Variants in HNRNPD observed in about 807,000 individuals in gnomAD.
HNRNPD encodes heterogeneous nuclear ribonucleoprotein D.
In HNRNPD, 3 loss-of-function variants were observed where a neutral mutation model predicts 47.9. The ratio of observed to expected loss-of-function variants is 0.06; its 90% CI spans 0.03 to 0.16. HNRNPD has a LOEUF of 0.16. Ranked by LOEUF, HNRNPD falls within the 10% of genes least tolerant of loss-of-function variation. The pLI is 1.00. For missense variants in HNRNPD, 287 were observed against 454.2 expected (o/e 0.63, Z 3.35); for synonymous variants, 171 against 165.1 (o/e 1.04, Z -0.28).
chr4:82,373,225 G>C (rs1720170105), intron 1 of HNRNPD: 2 of 728,526 alleles, frequency 2.7e-6, no homozygotes, highest in Non-Finnish European at 4.8e-6. Flanking sequence ...ACGGCTAAAG[G>C]TGGAAACGTG....
intron 1 of HNRNPD, chr4:82,373,062 G>A (rs1560441455): frequency 2.1e-6 from 1 of 470,786 alleles, no homozygotes; most frequent in African/African-American, 2.0e-5. Context: ...GTGTTTTTAT[G>A]CCCAAGACTG....
intron 2 of HNRNPD, among the ~76,000 whole-genome samples, chr4:82,367,160 TTTAA>T (rs979185855): frequency 6.6e-6 from 1 of 152,012 alleles, no homozygotes; most frequent in African/African-American, 2.4e-5. Flanking sequence ...GAGCCACTAC[TTTAA>T]TTAACTTTAA....
At chr4:82,355,683 A>G (rs1723685572) in intron 7 of HNRNPD, 1 of 421,678 alleles carries the variant, frequency 2.4e-6, no homozygotes, top group Non-Finnish European at 4.2e-6. Flanking sequence ...AAGGATGGAC[A>G]GCTGACCCTT....
intron 2 of HNRNPD, among the ~76,000 whole-genome samples, chr4:82,363,270 G>A (rs1419641677): frequency 1.3e-5 from 2 of 151,648 alleles, no homozygotes; most frequent in African/African-American, 2.4e-5. Context: ...TAGTAGAGAT[G>A]GGGTTTCACC....
intron 2 of HNRNPD, among the ~76,000 whole-genome samples, chr4:82,366,873 A>G (rs1276634898): frequency 2.0e-5 from 3 of 149,766 alleles, no homozygotes; most frequent in African/African-American, 7.3e-5. Context: ...AAAATAAAAC[A>G]CTTTAAGAGA....
In HNRNPD at chr4:82,373,961, G is replaced by T; in HGVS notation, c.-283C>A. 1 of 666,838 alleles carries T rather than the reference G, an allele frequency of 1.5e-6. No individual in the cohort carries two copies. The highest frequency in any genetic ancestry group is 2.3e-6 in the Non-Finnish European group (1 of 429,050). 41.3% of individuals were successfully genotyped at this position (666,838 alleles called of 1,614,324 possible). ...CTCTCGCCTCCTCCTCGCTTTAATG[G>T]CGCCGCCGCGGACCACCTAAAATGG... On this transcript the variant is annotated 5_prime_UTR_variant, in exon 1 of 9. Transcript: ENST00000313899.
Position 82,373,854 on chromosome 4 carries a change from C to T in HNRNPD, c.-176G>A. 1.5e-6 allele frequency: 2 copies of T among 1,359,548 alleles called. No individual in the cohort carries two copies. Among genetic ancestry groups the T allele is most frequent in the Non-Finnish European group, 1.9e-6 (2 of 1,033,454 alleles). 84.2% of individuals were successfully genotyped at this position (1,359,548 alleles called of 1,614,324 possible). A position where few individuals can be genotyped will look rare whatever the true frequency, so the allele number is the denominator to read the frequency against. ...CTCCTGCGCCTCTCCCTGGCCTGCC[C>T]CCTTCGCCTCCCACTCTCGCGCGGC... On this transcript the variant is annotated 5_prime_UTR_variant, in exon 1 of 9. Coordinates refer to ENST00000313899, the MANE Select transcript of HNRNPD (RefSeq NM_031370.3).
chr4:82,372,433 T>C (rs1720093200), intron 1 of HNRNPD, among the ~76,000 whole-genome samples: 2 of 152,082 alleles, frequency 1.3e-5, no homozygotes, highest in South Asian at 4.1e-4. Flanking sequence ...CAATACAGGA[T>C]TTGTTTCTCT....
intron 2 of HNRNPD, among the ~76,000 whole-genome samples, chr4:82,370,527 CTT>C (rs3840295): frequency 4.6e-5 from 7 of 151,150 alleles, no homozygotes; most frequent in African/African-American, 1.7e-4. Flanking sequence ...TGACCCCAGT[CTT>C]TTTTTTTTCC....
chr4:82,355,091 T>C, intron 8 of HNRNPD: 9 of 553,330 alleles, frequency 1.6e-5, no homozygotes, highest in Non-Finnish European at 6.3e-6. Context: ...AGCAGTACTT[T>C]ACCTGTTAAC....
chr4:82,370,975 T>TACACAC (rs1490020615), intron 2 of HNRNPD, among the ~76,000 whole-genome samples: 5 of 37,694 alleles, frequency 1.3e-4, no homozygotes, highest in African/African-American at 4.6e-4. Flanking sequence ...TTTAATGGTA[T>TACACAC]ATATATACAC....
intron 8 of HNRNPD, chr4:82,355,100 A>G: frequency 1.8e-6 from 1 of 560,566 alleles, no homozygotes; most frequent in Admixed American, 3.4e-5. Flanking sequence ...TTACCTGTTA[A>G]CTTTACTGAC....
chr4:82,373,026 TACAA>T lies in HNRNPD; in HGVS notation c.233+416_233+419del, dbSNP rs1422404189. On this transcript the variant is annotated intron_variant, in intron 1 of 8. Coordinates refer to ENST00000313899, the MANE Select transcript of HNRNPD (RefSeq NM_031370.3). ...AGAAGCACCAAATAAACCTTAGTAA[TACAA>T]ACAGAGAAGCTGTTTGTGTCTGTGT... is the stretch of plus-strand genomic sequence containing the variant. The T allele has an allele frequency of 1.2e-4, 52 of 417,798 alleles. 1 individual carries two copies. Among genetic ancestry groups the T allele is most frequent in the South Asian group, 8.1e-4 (48 of 59,498 alleles). 25.9% of individuals were successfully genotyped at this position (417,798 alleles called of 1,614,324 possible). A position where few individuals can be genotyped will look rare whatever the true frequency, so the allele number is the denominator to read the frequency against.
chr4:82,357,366 C>G lies in HNRNPD; in HGVS notation c.700G>C (p.Glu234Gln), dbSNP rs759523904. Residue 234 changes from glutamate to glutamine, a missense_variant, in exon 5 of 9, where the codon GAA becomes CAA. Around this residue, in one of 5 missense-constraint regions of HNRNPD, gnomAD observed 39 missense variants for 113.1 expected, o/e 0.34. Transcript: ENST00000313899. ...TTTTCCATTATCTTCTTCACTGGTTCTTCTTCCTTAAAGGTAATAAAGCAG... is the reference window on the plus strand; with the variant it reads ...TTTTCCATTATCTTCTTCACTGGTTGTTCTTCCTTAAAGGTAATAAAGCAG... ...GFCFITFKEEEPVKKIMEKKY... is the reference protein window; with the variant it reads ...GFCFITFKEEQPVKKIMEKKY... The G allele has an allele frequency of 6.2e-7, 1 of 1,613,374 alleles. No individual in the cohort carries two copies. Among genetic ancestry groups the G allele is most frequent in the Non-Finnish European group, 8.5e-7 (1 of 1,179,740 alleles).
chr4:82,357,013 C>T, intron 5 of HNRNPD, 118 bp from the exon 6 acceptor site: 1 of 902,528 alleles, frequency 1.1e-6, no homozygotes, highest in East Asian at 2.4e-5. Flanking sequence ...TGAAACTTTC[C>T]TCAGTCAGTT....
intron 2 of HNRNPD, among the ~76,000 whole-genome samples, chr4:82,369,607 A>G (rs750503229): frequency 2.0e-5 from 3 of 151,966 alleles, no homozygotes; most frequent in Non-Finnish European, 4.4e-5. Context: ...CAATATTGAG[A>G]CTATAAAACT....
At chr4:82,359,947 C>CA (rs1560434853) in intron 2 of HNRNPD, among the ~76,000 whole-genome samples, 1 of 151,958 alleles carries the variant, frequency 6.6e-6, no homozygotes, top group Admixed American at 6.6e-5. Flanking sequence ...AAGTTAACAG[C>CA]AAAAAAACCA....
At chr4:82,358,340 C>T (rs529418226) in intron 4 of HNRNPD, 20 of 232,304 alleles carry the variant, frequency 8.6e-5, no homozygotes, top group Middle Eastern at 1.5e-3. Flanking sequence ...TTCTTAATTC[C>T]TTTCCTATTT....
intron 2 of HNRNPD, among the ~76,000 whole-genome samples, chr4:82,359,840 T>C (rs189671028): frequency 1.3e-5 from 2 of 152,224 alleles, no homozygotes; most frequent in Admixed American, 6.5e-5. Flanking sequence ...AATTACAAAA[T>C]AGTGAGCAAG....
Sources: gnomAD v4.1 joint callset for allele counts (sites outside exome capture counted in the v4.1 genomes callset) on GRCh38, gnomAD v4.1.1 for gene constraint, gnomAD v4.1.1 regional missense constraint, MANE v1.5 for transcripts, NCBI Gene and HGNC (gene_info 2026-07-23, HGNC 2026-07-21) for gene names.